Variants in SNTG1 observed in about 807,000 individuals in gnomAD.
SNTG1 encodes gamma-1-syntrophin.
SNTG1 carries 39 observed loss-of-function variants against 74.7 expected under a neutral mutation model. The ratio of observed to expected loss-of-function variants is 0.52; its 90% CI spans 0.40 to 0.68. The LOEUF is 0.68. Ranked by LOEUF, SNTG1 falls within the 30% of genes least tolerant of loss-of-function variation. The probability of loss-of-function intolerance (pLI) is 0.00; values close to 1 mark genes in which losing one functional copy is unlikely to be tolerated. For synonymous variants in SNTG1, 254 were observed against 217.1 expected, an observed-to-expected ratio of 1.17 and a Z score of -1.49; for missense variants, 685 against 609.5, an observed-to-expected ratio of 1.12 and a Z score of -1.30.
intron 18 of SNTG1, among the ~76,000 whole-genome samples, chr8:50,754,116 T>A (rs1221179542): frequency 6.6e-6 from 1 of 151,966 alleles, no homozygotes; most frequent in Non-Finnish European, 1.5e-5. Context: ...TTGTGAGCAG[T>A]AAGCTAACAT....
At chr8:49,910,457 C>T (rs1394061045), upstream of SNTG1, among the ~76,000 whole-genome samples, 2 of 152,206 alleles carry the variant, frequency 1.3e-5, no homozygotes, top group East Asian at 3.9e-4. Context: ...TCCCCTTTTA[C>T]TCCACATAGT....
At chr8:49,919,428 C>A (rs190816730) in intron 1 of SNTG1, among the ~76,000 whole-genome samples, 4 of 152,180 alleles carry the variant, frequency 2.6e-5, no homozygotes, top group Admixed American at 2.0e-4. Flanking sequence ...TAGAAAAGAA[C>A]AACACTTGTC....
At position 50,462,796 on chromosome 8, in the gene SNTG1, C is replaced by CTT. The variant is rs869119447; in HGVS notation, c.363+12105_363+12106dup. Reference sequence around the variant, plus strand: ...CTCAGTCGCATCTTCAGGTTCTACTCTTTTTTTTTTTTTTTTTTTTTTTTT... The same window carrying CTT: ...CTCAGTCGCATCTTCAGGTTCTACTCTTTTTTTTTTTTTTTTTTTTTTTTTTT... On this transcript the variant is annotated intron_variant, in intron 8 of 18. Coordinates refer to ENST00000642720, the MANE Select transcript of SNTG1 (RefSeq NM_018967.5). 2.4e-3 allele frequency among the ~76,000 whole-genome samples: 140 copies of CTT among 57,416 alleles called. 11 individuals are homozygous for CTT. Among genetic ancestry groups the CTT allele is most frequent in the Non-Finnish European group, 3.8e-3 (105 of 27,738 alleles). The allele number at this position is 57,416 out of a possible 152,430, so 37.7% of individuals were successfully genotyped here. A position where few individuals can be genotyped will look rare whatever the true frequency, so the allele number is the denominator to read the frequency against.
At chr8:50,327,207 C>A (rs2090784728) in intron 2 of SNTG1, among the ~76,000 whole-genome samples, 1 of 152,116 alleles carries the variant, frequency 6.6e-6, no homozygotes, top group Non-Finnish European at 1.5e-5. Context: ...TTGAGTTCAA[C>A]TATAAGCTTA....
intron 12 of SNTG1, among the ~76,000 whole-genome samples, chr8:50,556,022 C>A (rs1402860226): frequency 6.6e-6 from 1 of 151,936 alleles, no homozygotes; most frequent in Non-Finnish European, 1.5e-5. Context: ...ATTTTCATAC[C>A]CAGTTTTTAA....
chr8:50,508,944 A>T (rs957926071), intron 9 of SNTG1, among the ~76,000 whole-genome samples: 68 of 151,992 alleles, frequency 4.5e-4, no homozygotes, highest in African/African-American at 1.6e-3. Context: ...ATTTGTCAAT[A>T]TTGGCTTTTG....
intron 2 of SNTG1, among the ~76,000 whole-genome samples, chr8:50,221,727 G>A (rs985927273): frequency 2.6e-5 from 4 of 152,136 alleles, no homozygotes; most frequent in Non-Finnish European, 4.4e-5. Context: ...ACATAGTCAT[G>A]TTTTGATATG....
intron 4 of SNTG1, among the ~76,000 whole-genome samples, chr8:50,406,644 TATG>T (rs2092879617): frequency 6.6e-6 from 1 of 152,114 alleles, no homozygotes; most frequent in African/African-American, 2.4e-5. Context: ...CATTTTTGAG[TATG>T]ATATTTGCTG....
intron 1 of SNTG1, among the ~76,000 whole-genome samples, chr8:50,078,453 T>C (rs184723922): frequency 8.0e-4 from 122 of 152,346 alleles, no homozygotes; most frequent in African/African-American, 2.8e-3. Flanking sequence ...TTGGTACATT[T>C]CAGTATATAA....
At chr8:50,573,413 A>G (rs1251772796) in intron 12 of SNTG1, among the ~76,000 whole-genome samples, 1 of 151,934 alleles carries the variant, frequency 6.6e-6, no homozygotes, top group Non-Finnish European at 1.5e-5. Flanking sequence ...GCTCTATTTA[A>G]TGGATCTATA....
chr8:50,111,345 T>C (rs1443172372), intron 1 of SNTG1, among the ~76,000 whole-genome samples: 1 of 151,884 alleles, frequency 6.6e-6, no homozygotes, highest in East Asian at 1.9e-4. Context: ...AAGGTGGGGG[T>C]CTTAATTGAA....
intron 2 of SNTG1, among the ~76,000 whole-genome samples, chr8:50,289,498 A>G (rs143851648): frequency 6.6e-6 from 1 of 152,294 alleles, no homozygotes; most frequent in Non-Finnish European, 1.5e-5. Flanking sequence ...GCTGTGCACC[A>G]TTAAAGAGTT....
chr8:49,967,602 A>C (rs1394298638), intron 1 of SNTG1, among the ~76,000 whole-genome samples: 1 of 151,230 alleles, frequency 6.6e-6, no homozygotes, highest in Non-Finnish European at 1.5e-5. Flanking sequence ...CAGGAAAAAA[A>C]GTTCAGTAAA....
At chr8:50,127,746 A>G (rs933507349) in intron 1 of SNTG1, among the ~76,000 whole-genome samples, 18 of 152,222 alleles carry the variant, frequency 1.2e-4, no homozygotes, top group Admixed American at 2.6e-4. Flanking sequence ...CTCAACCTAC[A>G]AACTCTCTGA....
intron 9 of SNTG1, among the ~76,000 whole-genome samples, chr8:50,504,245 C>T (rs1413722231): frequency 6.6e-6 from 1 of 152,050 alleles, no homozygotes; most frequent in Non-Finnish European, 1.5e-5. Context: ...CAGTCTAACA[C>T]TAATAGGCAT....
chr8:50,670,245 T>G (rs979056649), intron 15 of SNTG1, among the ~76,000 whole-genome samples: 3 of 152,098 alleles, frequency 2.0e-5, no homozygotes, highest in African/African-American at 7.2e-5. Context: ...AAAGAAGAAG[T>G]CAAATTGTCC....
intron 15 of SNTG1, among the ~76,000 whole-genome samples, chr8:50,677,333 T>C (rs1281703529): frequency 1.3e-5 from 2 of 151,988 alleles, no homozygotes; most frequent in African/African-American, 4.8e-5. Context: ...TGCTTAAAAA[T>C]ATTATGTTTA....
chr8:50,459,119 A>G (rs1035667671), intron 8 of SNTG1, among the ~76,000 whole-genome samples: 1 of 152,170 alleles, frequency 6.6e-6, no homozygotes, highest in African/African-American at 2.4e-5. Context: ...TGTCCCATTT[A>G]TTGAGAAGAC....
intron 1 of SNTG1, among the ~76,000 whole-genome samples, chr8:50,169,229 ACAT>A (rs1446318227): frequency 2.0e-5 from 3 of 152,368 alleles, no homozygotes; most frequent in East Asian, 1.9e-4. Flanking sequence ...TCACAAAAAG[ACAT>A]CATAGGGCAC....
Sources: gnomAD v4.1 joint callset for allele counts (sites outside exome capture counted in the v4.1 genomes callset) on GRCh38, gnomAD v4.1.1 for gene constraint, MANE v1.5 for transcripts, NCBI Gene and HGNC (gene_info 2026-07-23, HGNC 2026-07-21) for gene names.